TRPM3: variants seen among roughly 807,000 people sequenced by gnomAD.
TRPM3 encodes long transient receptor potential channel 3.
In TRPM3, 77 loss-of-function variants were observed where a neutral mutation model predicts 181.2. That is an observed-to-expected ratio of 0.42 (90% CI 0.35 to 0.51). The LOEUF is 0.51. Among genes scored for constraint, TRPM3 ranks in the 20% least tolerant of loss-of-function variants. TRPM3 has a pLI of 0.01. For synonymous variants in TRPM3, 745 were observed against 796.4 expected, an observed-to-expected ratio of 0.94 and a Z score of 1.09; for missense variants, 1,759 against 2,196.7, an observed-to-expected ratio of 0.80 and a Z score of 3.98.
intron 1 of TRPM3, among the ~76,000 whole-genome samples, chr9:71,156,420 C>CACACACA (rs778160040): frequency 1.3e-3 from 183 of 140,506 alleles, no homozygotes; most frequent in East Asian, 7.2e-3. Flanking sequence ...CACACACACA[C>CACACACA]AAGGCTTATC....
chr9:70,529,535 A>G lies in TRPM3; in HGVS notation c.*6418T>C, dbSNP rs1010888289. On this transcript the variant is annotated 3_prime_UTR_variant, in exon 26 of 26. Transcript: ENST00000677713. ...TCAGGTCAGACGCAGTAGTGACAGG[A>G]AGCAGGTAAGTCTTCATACCATGCT... The G allele has an allele frequency of 1.3e-5, 2 of 152,210 alleles. No homozygotes were observed. Among genetic ancestry groups the G allele is most frequent in the East Asian group, 3.8e-4 (2 of 5,200 alleles). The allele number at this position is 152,210 out of a possible 1,614,324, so 9.4% of individuals were successfully genotyped here.
intron 1 of TRPM3, among the ~76,000 whole-genome samples, chr9:71,042,486 C>T (rs763465154): frequency 6.6e-6 from 1 of 152,084 alleles, no homozygotes; most frequent in African/African-American, 2.4e-5. Context: ...ATGTTAAGCA[C>T]ATAGTGGGTG....
intron 8 of TRPM3, among the ~76,000 whole-genome samples, chr9:70,687,710 G>A (rs958971528): frequency 1.3e-5 from 2 of 152,184 alleles, no homozygotes; most frequent in South Asian, 2.1e-4. Context: ...CCACCAACCC[G>A]CCTGCCAACC....
intron 1 of TRPM3, among the ~76,000 whole-genome samples, chr9:71,269,935 T>A (rs1275619283): frequency 6.6e-6 from 1 of 152,240 alleles, no homozygotes; most frequent in East Asian, 1.9e-4. Context: ...GTCTCAGTTT[T>A]ATGAGTTTGC....
At chr9:71,337,155 A>C (rs2090616336) in intron 1 of TRPM3, among the ~76,000 whole-genome samples, 1 of 152,204 alleles carries the variant, frequency 6.6e-6, no homozygotes, top group African/African-American at 2.4e-5. Context: ...CTATCATCAG[A>C]GTGAACAGGC....
In TRPM3 at chr9:70,651,427, T is replaced by G. The variant is rs566714887; in HGVS notation, c.1346-10767A>C. On this transcript the variant is annotated intron_variant, in intron 9 of 25. Coordinates refer to ENST00000677713, the MANE Select transcript of TRPM3 (RefSeq NM_001366145.2). ...GAAGTCTTCCTGTAGTCTACTACAATGTCAAACTCCCTCCTGTAAGCATGG... is the reference window on the plus strand; with the variant it reads ...GAAGTCTTCCTGTAGTCTACTACAAGGTCAAACTCCCTCCTGTAAGCATGG... 1.9e-4 allele frequency among the ~76,000 whole-genome samples: 29 copies of G among 152,324 alleles called. No individual in the cohort carries two copies. In the South Asian group the frequency reaches 6.0e-3, roughly 32 times the overall value.
chr9:70,759,007 T>C (rs889582243), intron 8 of TRPM3, among the ~76,000 whole-genome samples: 2 of 152,198 alleles, frequency 1.3e-5, no homozygotes, highest in Admixed American at 1.3e-4. Context: ...AAAGAGCTTC[T>C]GCATAGCAAA....
At position 71,133,292 on chromosome 9, in the gene TRPM3, C is replaced by CTTTTTTTTTTTTTTTTTTTTT. The variant is rs761379173; in HGVS notation, c.184-268782_184-268781insAAAAAAAAAAAAAAAAAAAAA. ...CATTTGTAATTCTTCTAGCAAATTG[C>CTTTTTTTTTTTTTTTTTTTTT]TTTTTTTTTTTTTTTTTTTGAGACA... On this transcript the variant is annotated intron_variant, in intron 1 of 24. Coordinates refer to the TRPM3 transcript ENST00000357533. Among the ~76,000 whole-genome samples the CTTTTTTTTTTTTTTTTTTTTT allele has an allele frequency of 6.9e-5, 5 of 72,330 alleles. 1 individual carries two copies. Among genetic ancestry groups the CTTTTTTTTTTTTTTTTTTTTT allele is most frequent in the Non-Finnish European group, 5.0e-5 (2 of 40,206 alleles). 47.5% of individuals were successfully genotyped at this position (72,330 alleles called of 152,430 possible).
At chr9:71,268,064 T>C (rs2132111172) in intron 1 of TRPM3, among the ~76,000 whole-genome samples, 1 of 152,348 alleles carries the variant, frequency 6.6e-6, no homozygotes, top group Non-Finnish European at 1.5e-5. Context: ...TTTACATTGA[T>C]TAAAATGGCT....
At chr9:71,097,375 G>A (rs938953523) in intron 1 of TRPM3, among the ~76,000 whole-genome samples, 1 of 151,918 alleles carries the variant, frequency 6.6e-6, no homozygotes, top group Non-Finnish European at 1.5e-5. Context: ...ACATATATAT[G>A]TAGTATATAT....
intron 10 of TRPM3, among the ~76,000 whole-genome samples, chr9:70,639,758 T>C (rs1172879318): frequency 6.6e-6 from 1 of 152,162 alleles, no homozygotes; most frequent in African/African-American, 2.4e-5. Context: ...GCCAATAGCT[T>C]AGATTTTTAT....
intron 1 of TRPM3, among the ~76,000 whole-genome samples, chr9:71,137,988 C>T (rs1394546235): frequency 6.6e-6 from 1 of 151,988 alleles, no homozygotes; most frequent in Non-Finnish European, 1.5e-5. Context: ...GTGGCAGGCG[C>T]CTGTAATCCC....
chr9:71,247,469 G>T (rs1259924198), intron 1 of TRPM3, among the ~76,000 whole-genome samples: 3 of 151,888 alleles, frequency 2.0e-5, no homozygotes, highest in Admixed American at 2.0e-4. Flanking sequence ...AGTACAAAGT[G>T]CCTAGCCTAG....
chr9:70,859,531 C>T (rs2132328536), intron 3 of TRPM3, among the ~76,000 whole-genome samples: 1 of 152,206 alleles, frequency 6.6e-6, no homozygotes, highest in African/African-American at 2.4e-5. Flanking sequence ...TGGCACAGTA[C>T]CAGCGATGTA....
chr9:71,412,865 T>G (rs1381732923), intron 1 of TRPM3, among the ~76,000 whole-genome samples: 1 of 152,118 alleles, frequency 6.6e-6, no homozygotes, highest in Non-Finnish European at 1.5e-5. Context: ...CCATCAATGA[T>G]AGACTGGATT....
At chr9:70,974,080 T>A (rs537837613) in intron 1 of TRPM3, among the ~76,000 whole-genome samples, 1 of 152,350 alleles carries the variant, frequency 6.6e-6, no homozygotes, top group East Asian at 1.9e-4. Context: ...AACAGGCTAA[T>A]CCTGAAAAGT....
At position 70,785,155 on chromosome 9, in the gene TRPM3, T is replaced by C. The variant is rs148143731; in HGVS notation, c.974-876A>G. 2.2e-3 allele frequency among the ~76,000 whole-genome samples: 329 copies of C among 152,300 alleles called. 3 individuals are homozygous for C. The highest frequency in any genetic ancestry group is 7.6e-3 in the African/African-American group (314 of 41,566). ...CAAGGAGCTAGGCACGTGATGTGAGTTCAGTAAACATTTGTTGGATTCAGT... is the reference window on the plus strand; with the variant it reads ...CAAGGAGCTAGGCACGTGATGTGAGCTCAGTAAACATTTGTTGGATTCAGT... On this transcript the variant is annotated intron_variant, in intron 6 of 25. Coordinates refer to ENST00000677713, the MANE Select transcript of TRPM3 (RefSeq NM_001366145.2).
intron 1 of TRPM3, among the ~76,000 whole-genome samples, chr9:71,064,321 G>T (rs2309839): frequency 0.32 from 48,157 of 151,816 alleles, 8,659 homozygotes; most frequent in Middle Eastern, 0.44. Flanking sequence ...AAGTAGAAAT[G>T]CTTGGAGATA....
At chr9:70,758,287 C>G (rs544311837) in intron 8 of TRPM3, among the ~76,000 whole-genome samples, 2 of 152,220 alleles carry the variant, frequency 1.3e-5, no homozygotes, top group African/African-American at 2.4e-5. Context: ...TGTGAAGGAC[C>G]TATTCAAGGA....
Sources: allele counts gnomAD v4.1 joint callset (sites outside exome capture counted in the v4.1 genomes callset), GRCh38; gene constraint gnomAD v4.1.1; transcripts MANE v1.5; gene names NCBI Gene and HGNC (gene_info 2026-07-23, HGNC 2026-07-21).